The following KCNMA1 variants were observed in gnomAD, a reference collection of about 807,000 sequenced individuals.
KCNMA1 encodes the protein potassium calcium-activated channel subfamily M alpha 1, also known as Calcium-activated potassium channel subunit alpha-1.
In KCNMA1, 29 loss-of-function variants were observed where a neutral mutation model predicts 140.0. That is an observed-to-expected ratio of 0.21 (90% CI 0.15 to 0.28). KCNMA1 has a LOEUF of 0.28. Among genes scored for constraint, KCNMA1 ranks in the 10% least tolerant of loss-of-function variants. The pLI, the probability that KCNMA1 is intolerant of heterozygous loss-of-function variation, is 1.00. For synonymous variants in KCNMA1, 612 were observed against 611.9 expected (o/e 1.00, Z 0.00); for missense variants, 880 against 1,602.2 (o/e 0.55, Z 7.70).
intron 6 of KCNMA1, among the ~76,000 whole-genome samples, chr10:77,117,041 A>G (rs1371682607): frequency 6.6e-6 from 1 of 152,194 alleles, no homozygotes; most frequent in Non-Finnish European, 1.5e-5. Context: ...AGTTCATGTC[A>G]GTAGTAATGT....
chr10:77,110,041 T>C, intron 8 of KCNMA1, 132 bp downstream of exon 8: 1 of 818,596 alleles, frequency 1.2e-6, no homozygotes, highest in Non-Finnish European at 2.1e-6. Context: ...TTGGATTTAC[T>C]TAGCCTGATT....
Position 77,022,364 on chromosome 10 carries a change from A to C in KCNMA1, c.1929-3265T>G, listed in dbSNP as rs138646309. On this transcript the variant is annotated intron_variant, in intron 16 of 27. Coordinates refer to ENST00000286628, the MANE Select transcript of KCNMA1 (RefSeq NM_001161352.2). ...AATTCCAACAAGGACATGTTGGCAG[A>C]GGTGGACTTTCCCTCATTTCAAGGA... Among the ~76,000 whole-genome samples, 1,478 of 152,344 alleles carry C rather than the reference A, an allele frequency of 9.7e-3. 10 individuals carry two copies. The highest frequency in any genetic ancestry group is 0.02 in the Middle Eastern group (6 of 294).
rs1280264506 is a variant in KCNMA1 at position 77,039,227 on chromosome 10, A to C, written c.1859+301T>G. The C allele has an allele frequency of 3.6e-5, 17 of 470,772 alleles. No homozygotes were observed. The South Asian group carries it at 3.8e-4, about 10-fold the overall frequency. 29.2% of individuals were successfully genotyped at this position (470,772 alleles called of 1,614,324 possible). On this transcript the variant is annotated intron_variant, in intron 15 of 27. Transcript: ENST00000286628. Reference sequence around the variant, plus strand: ...CAGGCAGGGGTTTATGCCACTCTTCATAAATGTGTCTACATCACAGAAGGC... The same window carrying C: ...CAGGCAGGGGTTTATGCCACTCTTCCTAAATGTGTCTACATCACAGAAGGC...
At chr10:77,087,936 TATAA>T (rs1367790021) in intron 10 of KCNMA1, among the ~76,000 whole-genome samples, 5 of 151,630 alleles carry the variant, frequency 3.3e-5, no homozygotes, top group African/African-American at 4.8e-5. Context: ...AAAATAGTAT[TATAA>T]ATAAATAAGT....
At chr10:77,060,139 A>G (rs960310561) in intron 14 of KCNMA1, among the ~76,000 whole-genome samples, 2 of 152,174 alleles carry the variant, frequency 1.3e-5, no homozygotes, top group Non-Finnish European at 2.9e-5. Flanking sequence ...TGCTCCCCCA[A>G]ATTGGTCTAT....
Position 76,889,617 on chromosome 10 carries a change from G to GA in KCNMA1, c.3343-49dup, listed in dbSNP as rs776700273. 9.2e-6 allele frequency: 13 copies of GA among 1,411,736 alleles called. No individual in the cohort carries two copies. The South Asian group carries it at 1.5e-4, about 16-fold the overall frequency. 87.5% of individuals were successfully genotyped at this position (1,411,736 alleles called of 1,614,324 possible). A position where few individuals can be genotyped will look rare whatever the true frequency, so the allele number is the denominator to read the frequency against. On this transcript the variant is annotated intron_variant, in intron 26 of 27. Transcript: ENST00000286628. ...AGAGAAACATCCTTTTTATTTGCCT[G>GA]AAAATCAAGGGACAGCAGGGAAACG...
chr10:76,977,401 C>T, intron 19 of KCNMA1: 1 of 588,172 alleles, frequency 1.7e-6, no homozygotes, highest in African/African-American at 1.9e-5. Flanking sequence ...AATTTGGTGG[C>T]TATAAATAAA....
chr10:77,330,044 A>G (rs190239991), intron 2 of KCNMA1, among the ~76,000 whole-genome samples: 187 of 152,270 alleles, frequency 1.2e-3, no homozygotes, highest in Non-Finnish European at 1.9e-3. Context: ...GTAACCACAT[A>G]TTGGTTTGCA....
chr10:77,474,785 G>T (rs1007882758), intron 1 of KCNMA1, among the ~76,000 whole-genome samples: 5 of 152,222 alleles, frequency 3.3e-5, no homozygotes, highest in African/African-American at 1.2e-4. Context: ...CTGGCCGGGA[G>T]AGCTGGTGGG....
chr10:77,324,202 T>C lies in KCNMA1; in HGVS notation c.541-72946A>G, dbSNP rs571541956. The stretch of plus-strand genomic sequence containing the variant: ...ACACTGTGCCCACTCTCCAGACCTG[T>C]CCATGCAACCCACAGTAGTGGAGTG... On this transcript the variant is annotated intron_variant, in intron 2 of 27. Coordinates refer to ENST00000286628, the MANE Select transcript of KCNMA1 (RefSeq NM_001161352.2). 1.7e-3 allele frequency among the ~76,000 whole-genome samples: 257 copies of C among 152,258 alleles called. 2 individuals are homozygous for C. Among genetic ancestry groups the C allele is most frequent in the African/African-American group, 6.0e-3 (250 of 41,550 alleles).
intron 3 of KCNMA1, among the ~76,000 whole-genome samples, chr10:77,199,571 T>C (rs1013617189): frequency 1.3e-5 from 2 of 152,180 alleles, no homozygotes; most frequent in African/African-American, 4.8e-5. Context: ...CAGCACATGA[T>C]GGATGCTATG....
intron 3 of KCNMA1, among the ~76,000 whole-genome samples, chr10:77,235,945 TGG>T (rs1397952700): frequency 1.3e-5 from 2 of 152,180 alleles, no homozygotes; most frequent in Non-Finnish European, 2.9e-5. Context: ...CCAGGGGTCT[TGG>T]GCTGGCCAGA....
chr10:77,271,041 A>T (rs777524507), intron 2 of KCNMA1, among the ~76,000 whole-genome samples: 1 of 152,134 alleles, frequency 6.6e-6, no homozygotes, highest in Non-Finnish European at 1.5e-5. Context: ...TGCACCTGAC[A>T]CCCCCACTGA....
chr10:77,139,544 C>T (rs1250557193), intron 5 of KCNMA1, among the ~76,000 whole-genome samples: 1 of 152,162 alleles, frequency 6.6e-6, no homozygotes. Flanking sequence ...TTGAGCTGTG[C>T]CTACCCACAT....
intron 2 of KCNMA1, among the ~76,000 whole-genome samples, chr10:77,372,679 C>A (rs2094822630): frequency 6.6e-6 from 1 of 152,140 alleles, no homozygotes; most frequent in South Asian, 2.1e-4. Flanking sequence ...TGCCTGGTTC[C>A]CCAAGTCATA....
At chr10:77,582,180 T>C (rs527290649) in intron 1 of KCNMA1, among the ~76,000 whole-genome samples, 6 of 152,310 alleles carry the variant, frequency 3.9e-5, no homozygotes, top group African/African-American at 1.4e-4. Context: ...ATCACTGACA[T>C]TGAGTCTAGC....
chr10:76,886,256 A>G lies in KCNMA1; in HGVS notation c.*1010T>C. ...ACTAATCAAACAAAGGGGAGTAAAA[A>G]GATCCCCTGAGAATGCATGGAAAAA... On this transcript the variant is annotated 3_prime_UTR_variant, in exon 28 of 28. Coordinates refer to ENST00000286628, the MANE Select transcript of KCNMA1 (RefSeq NM_001161352.2). 1 of 985,236 alleles carries G rather than the reference A, an allele frequency of 1.0e-6. No individual in the cohort carries two copies. The highest frequency in any genetic ancestry group is 1.2e-6 in the Non-Finnish European group (1 of 829,732). The allele number at this position is 985,236 out of a possible 1,614,324, so 61.0% of individuals were successfully genotyped here.
Position 77,527,866 on chromosome 10 carries a change from G to A in KCNMA1, c.378+109399C>T, listed in dbSNP as rs575853091. 5.9e-5 allele frequency among the ~76,000 whole-genome samples: 9 copies of A among 152,110 alleles called. No individual in the cohort carries two copies. In the South Asian group the frequency reaches 1.5e-3, roughly 25 times the overall value. ...GGCTGGCTCGGGCTCCATGCTGTGC[G>A]CACAGCCTCCAACCACCATCAGGAG... On this transcript the variant is annotated intron_variant, in intron 1 of 27. Coordinates refer to ENST00000286628, the MANE Select transcript of KCNMA1 (RefSeq NM_001161352.2).
Position 76,885,951 on chromosome 10 carries a change from G to A in KCNMA1, c.*1315C>T, listed in dbSNP as rs147816527. ...TGACAAGGAGCAGCTCTCTATTGCC[G>A]TCATTACCCTGCCTAAATTGGCTAC... On this transcript the variant is annotated 3_prime_UTR_variant, in exon 28 of 28. Coordinates refer to ENST00000286628, the MANE Select transcript of KCNMA1 (RefSeq NM_001161352.2). 174 of 985,396 alleles carry A rather than the reference G, an allele frequency of 1.8e-4. 1 individual carries two copies. The East Asian group carries it at 3.3e-3, about 19-fold the overall frequency. The allele number at this position is 985,396 out of a possible 1,614,324, so 61.0% of individuals were successfully genotyped here. A position where few individuals can be genotyped will look rare whatever the true frequency, so the allele number is the denominator to read the frequency against.
Sources: allele counts gnomAD v4.1 joint callset (sites outside exome capture counted in the v4.1 genomes callset), GRCh38; gene constraint gnomAD v4.1.1; transcripts MANE v1.5; gene names NCBI Gene and HGNC (gene_info 2026-07-23, HGNC 2026-07-21).